EIF2B3: variants seen among roughly 807,000 people sequenced by gnomAD.
The protein encoded by EIF2B3 is translation initiation factor eIF2B subunit gamma.
EIF2B3 carries 20 observed loss-of-function variants against 54.1 expected under a neutral mutation model. The ratio of observed to expected loss-of-function variants is 0.37; its 90% CI spans 0.26 to 0.54. The LOEUF (loss-of-function observed/expected upper bound fraction) is 0.54, where lower values mean the gene tolerates loss of function less well. Ranked by LOEUF, EIF2B3 falls within the 20% of genes least tolerant of loss-of-function variation. The pLI is 0.86. For missense variants in EIF2B3, 448 were observed against 547.8 expected (o/e 0.82, Z 1.82); for synonymous variants, 153 against 188.1 (o/e 0.81, Z 1.52).
At chr1:44,915,334 T>C (rs1643600539) in intron 5 of EIF2B3, among the ~76,000 whole-genome samples, 1 of 152,048 alleles carries the variant, frequency 6.6e-6, no homozygotes. Flanking sequence ...TTTTTTGAGA[T>C]AGGGTCTCGT....
intron 1 of EIF2B3, among the ~76,000 whole-genome samples, chr1:44,982,587 G>A (rs1030131634): frequency 6.7e-6 from 1 of 149,388 alleles, no homozygotes; most frequent in African/African-American, 2.5e-5. Context: ...TGTGAGCCAC[G>A]TGCCCATCCT....
chr1:44,867,845 G>A (rs1470253245), intron 10 of EIF2B3, among the ~76,000 whole-genome samples: 1 of 146,818 alleles, frequency 6.8e-6, no homozygotes, highest in Non-Finnish European at 1.5e-5. Context: ...AGCCAGCCTA[G>A]GCAACACAGA....
At chr1:44,935,744 T>TC (rs1034269337) in intron 4 of EIF2B3, among the ~76,000 whole-genome samples, 2 of 152,200 alleles carry the variant, frequency 1.3e-5, no homozygotes, top group Admixed American at 1.3e-4. Flanking sequence ...CAAATGATCC[T>TC]CCCACCTTGG....
chr1:44,933,766 C>A (rs577853171), intron 4 of EIF2B3, among the ~76,000 whole-genome samples: 1 of 152,182 alleles, frequency 6.6e-6, no homozygotes, highest in Admixed American at 6.5e-5. Context: ...TGCTATTAGG[C>A]CATAAATGCT....
At position 44,883,364 on chromosome 1, in the gene EIF2B3, ATCATTTTTCCAAAGG is replaced by A. The variant is rs1044926914; in HGVS notation, c.657-1640_657-1626del. ...GGGGCCTGAATTCTCATGATTACCAATCATTTTTCCAAAGGTCACAAGATTTGCAACTTCCCCAGT... is the reference window on the plus strand; with the variant it reads ...GGGGCCTGAATTCTCATGATTACCAATCACAAGATTTGCAACTTCCCCAGT... On this transcript the variant is annotated intron_variant, in intron 6 of 11. Transcript: ENST00000360403. 8.5e-5 allele frequency among the ~76,000 whole-genome samples: 13 copies of A among 152,228 alleles called. No homozygotes were observed. The East Asian group carries it at 1.7e-3, about 20-fold the overall frequency.
chr1:44,920,594 T>A (rs896574521), intron 5 of EIF2B3, among the ~76,000 whole-genome samples: 5 of 152,116 alleles, frequency 3.3e-5, no homozygotes, highest in Admixed American at 1.3e-4. Context: ...CTTCCATGAG[T>A]TCCATTGATT....
intron 3 of EIF2B3, among the ~76,000 whole-genome samples, chr1:44,942,417 ATTTTTTTTTTTT>A (rs34978668): frequency 1.9e-4 from 1 of 5,184 alleles, no homozygotes; most frequent in African/African-American, 1.8e-3. Context: ...ATATATATAT[ATTTTTTTTTTTT>A]TTTTTTTTTT....
chr1:44,942,942 G>A (rs1049911136), intron 3 of EIF2B3, among the ~76,000 whole-genome samples: 16 of 151,672 alleles, frequency 1.1e-4, no homozygotes, highest in African/African-American at 2.4e-4. Context: ...GGCAAGCTCC[G>A]CCTCCCGGGT....
chr1:44,906,246 G>A (rs941810100), intron 5 of EIF2B3, among the ~76,000 whole-genome samples: 3 of 152,182 alleles, frequency 2.0e-5, no homozygotes, highest in African/African-American at 4.8e-5. Flanking sequence ...CCTTGTGACA[G>A]CCTTGACCAG....
chr1:44,877,210 A>AAAAAC (rs1655217130), intron 8 of EIF2B3, among the ~76,000 whole-genome samples: 1 of 148,776 alleles, frequency 6.7e-6, no homozygotes, highest in Non-Finnish European at 1.5e-5. Flanking sequence ...AAAAAAAAAA[A>AAAAAC]AAAAAAAAAA....
chr1:44,925,515 G>A (rs1334886474), intron 5 of EIF2B3, among the ~76,000 whole-genome samples: 1 of 152,132 alleles, frequency 6.6e-6, no homozygotes, highest in Non-Finnish European at 1.5e-5. Flanking sequence ...AGAAAAAAAT[G>A]GGGAGGGGAG....
At chr1:44,896,322 T>G (rs1461480610) in intron 6 of EIF2B3, among the ~76,000 whole-genome samples, 1 of 152,188 alleles carries the variant, frequency 6.6e-6, no homozygotes, top group Non-Finnish European at 1.5e-5. Flanking sequence ...AAATGATTTG[T>G]TTTACCATTG....
chr1:44,962,204 A>ACATCAACATCATCAT (rs1553179558), intron 3 of EIF2B3, among the ~76,000 whole-genome samples: 2 of 146,442 alleles, frequency 1.4e-5, no homozygotes, highest in African/African-American at 2.5e-5. Flanking sequence ...ATCATCATCA[A>ACATCAACATCATCAT]CATCATCATC....
chr1:44,985,616 A>G (rs1644566128), intron 1 of EIF2B3, among the ~76,000 whole-genome samples: 2 of 152,222 alleles, frequency 1.3e-5, no homozygotes, highest in South Asian at 4.1e-4. Flanking sequence ...GCATAAGGGC[A>G]TTAGAACCCA....
chr1:44,941,874 C>A (rs531859162), intron 3 of EIF2B3, among the ~76,000 whole-genome samples: 1 of 152,274 alleles, frequency 6.6e-6, no homozygotes, highest in South Asian at 2.1e-4. Context: ...CCCTTGTGTA[C>A]CTCAGGAACT....
intron 11 of EIF2B3, among the ~76,000 whole-genome samples, chr1:44,856,528 T>TAAAAA (rs150728949): frequency 2.0e-5 from 2 of 102,386 alleles, no homozygotes; most frequent in Admixed American, 9.7e-5. Flanking sequence ...AAATTAAAAT[T>TAAAAA]AAAAAAAAAA....
chr1:44,876,717 G>A (rs990455178), intron 8 of EIF2B3, among the ~76,000 whole-genome samples: 2 of 139,732 alleles, frequency 1.4e-5, no homozygotes, highest in Non-Finnish European at 3.1e-5. Context: ...CATTGAGAAC[G>A]GGCCATGATG....
chr1:44,958,336 T>C (rs1337802675), intron 3 of EIF2B3, among the ~76,000 whole-genome samples: 1 of 152,218 alleles, frequency 6.6e-6, no homozygotes, highest in Non-Finnish European at 1.5e-5. Context: ...CAGATGATCC[T>C]AGGTAATTGA....
intron 3 of EIF2B3, among the ~76,000 whole-genome samples, chr1:44,969,339 C>T (rs1385827823): frequency 1.3e-5 from 2 of 152,132 alleles, no homozygotes; most frequent in Non-Finnish European, 2.9e-5. Flanking sequence ...ACCTATATAT[C>T]AAGAGACTTA....
Sources: gnomAD v4.1 joint callset for allele counts (sites outside exome capture counted in the v4.1 genomes callset) on GRCh38, gnomAD v4.1.1 for gene constraint, MANE v1.5 for transcripts, NCBI Gene and HGNC (gene_info 2026-07-23, HGNC 2026-07-21) for gene names.